The following SEPTIN14 variants were observed in gnomAD, a reference collection of about 807,000 sequenced individuals.
The protein encoded by SEPTIN14 is septin 14.
Under a neutral mutation model 53.6 loss-of-function variants are expected in SEPTIN14, and 40 were observed. The ratio of observed to expected loss-of-function variants is 0.75; its 90% CI spans 0.58 to 0.97. SEPTIN14 has a LOEUF of 0.97. Among genes scored for constraint, SEPTIN14 ranks in the 50% least tolerant of loss-of-function variants. The probability of loss-of-function intolerance (pLI) is 0.00; values close to 1 mark genes in which losing one functional copy is unlikely to be tolerated. For synonymous variants in SEPTIN14, 138 were observed against 166.8 expected (o/e 0.83, Z 1.33); for missense variants, 471 against 508.2 (o/e 0.93, Z 0.70).
Position 55,807,156 on chromosome 7 carries a change from C to T in SEPTIN14, c.920G>A (p.Cys307Tyr), listed in dbSNP as rs758591939. ...TTTCTGCAGTTTTTGGTACCTATAACATTCATAGTGCTGAGTGTGGGTTTT... is the reference window on the plus strand; with the variant it reads ...TTTCTGCAGTTTTTGGTACCTATAATATTCATAGTGCTGAGTGTGGGTTTT... The part of the protein sequence containing the change: ...KEKTHTQHYE[C>Y]YRYQKLQKMG... Residue 307 changes from cysteine (C) to tyrosine (Y), a missense_variant, in exon 8 of 10, where the codon TGT (cysteine) becomes TAT (tyrosine). Physicochemically the swap from Cys to Tyr is radical, Grantham distance 194. Transcript: ENST00000388975. 2 of 1,610,446 alleles carry T rather than the reference C, an allele frequency of 1.2e-6. No individual in the cohort carries two copies. Among genetic ancestry groups the T allele is most frequent in the Admixed American group, 1.7e-5 (1 of 59,192 alleles).
rs887366698 is a variant in SEPTIN14 at position 55,825,692 on chromosome 7, C to T, written c.721-6469G>A. Among the ~76,000 whole-genome samples, 11 of 152,214 alleles carry T rather than the reference C, an allele frequency of 7.2e-5. No individual in the cohort carries two copies. The East Asian group carries it at 1.7e-3, about 24-fold the overall frequency. ...ATTTAAAAAGAAGGATGGGGCCGGGCGTGGTGACTCACACCTGTAATCCCA... is the reference window on the plus strand; with the variant it reads ...ATTTAAAAAGAAGGATGGGGCCGGGTGTGGTGACTCACACCTGTAATCCCA... On this transcript the variant is annotated intron_variant, in intron 6 of 9. Coordinates refer to ENST00000388975, the MANE Select transcript of SEPTIN14 (RefSeq NM_207366.3).
intron 6 of SEPTIN14, among the ~76,000 whole-genome samples, chr7:55,821,768 C>T (rs1024378659): frequency 6.6e-6 from 1 of 152,158 alleles, no homozygotes; most frequent in African/African-American, 2.4e-5. Context: ...GCTTTCAATT[C>T]TTTCAGAGAA....
intron 5 of SEPTIN14, among the ~76,000 whole-genome samples, chr7:55,835,347 C>T (rs1293248780): frequency 3.3e-5 from 5 of 151,856 alleles, no homozygotes; most frequent in African/African-American, 7.2e-5. Context: ...GGACTACAGG[C>T]GCCCACCACC....
intron 3 of SEPTIN14, 79 bp downstream of exon 3, chr7:55,846,438 T>G: frequency 9.8e-7 from 1 of 1,021,308 alleles, no homozygotes; most frequent in Non-Finnish European, 1.4e-6. Flanking sequence ...ATAGCATCAA[T>G]GTTACACTGC....
At chr7:55,799,658 T>C (rs1382134378) in intron 9 of SEPTIN14, among the ~76,000 whole-genome samples, 2 of 151,886 alleles carry the variant, frequency 1.3e-5, no homozygotes, top group African/African-American at 4.8e-5. Flanking sequence ...AATATCACTA[T>C]ATAATAATAA....
chr7:55,827,498 T>C (rs1789010968), intron 6 of SEPTIN14, among the ~76,000 whole-genome samples: 1 of 152,202 alleles, frequency 6.6e-6, no homozygotes, highest in South Asian at 2.1e-4. Flanking sequence ...TGTTCCTACC[T>C]ACACAGGAGG....
At position 55,805,256 on chromosome 7, in the gene SEPTIN14, A is replaced by G; in HGVS notation, c.1119+2T>C. 6.2e-7 allele frequency: 1 copy of G among 1,611,042 alleles called. No individual in the cohort carries two copies. On this transcript the variant is annotated splice_donor_variant, in intron 9 of 9. Coordinates refer to ENST00000388975, the MANE Select transcript of SEPTIN14 (RefSeq NM_207366.3). LOFTEE classifies it high-confidence loss of function. Reference sequence around the variant, plus strand: ...AAATTATATCAAACTGTCAGTACTAACCTCTTTTTCAGCTTCTTTAAATGT... The same window carrying G: ...AAATTATATCAAACTGTCAGTACTAGCCTCTTTTTCAGCTTCTTTAAATGT...
intron 6 of SEPTIN14, among the ~76,000 whole-genome samples, chr7:55,821,501 A>G (rs192552992): frequency 6.6e-6 from 1 of 152,364 alleles, no homozygotes; most frequent in Non-Finnish European, 1.5e-5. Flanking sequence ...TAGCCAAAAA[A>G]ATATTGAAAA....
chr7:55,797,569 G>T (rs1028732154), intron 9 of SEPTIN14, among the ~76,000 whole-genome samples: 25 of 152,202 alleles, frequency 1.6e-4, no homozygotes, highest in African/African-American at 6.0e-4. Flanking sequence ...CTAACCTTCA[G>T]AAAGAAAGAA....
intron 5 of SEPTIN14, among the ~76,000 whole-genome samples, chr7:55,841,818 G>GCACT (rs1230825775): frequency 6.9e-6 from 1 of 145,606 alleles, no homozygotes; most frequent in Non-Finnish European, 1.5e-5. Flanking sequence ...TCACGCCATT[G>GCACT]CACTCTGGCC....
chr7:55,804,529 G>C (rs1488174761), intron 9 of SEPTIN14, among the ~76,000 whole-genome samples: 1 of 152,044 alleles, frequency 6.6e-6, no homozygotes, highest in Non-Finnish European at 1.5e-5. Context: ...AAAGTGCTGG[G>C]ATTATAGGTG....
intron 7 of SEPTIN14, among the ~76,000 whole-genome samples, chr7:55,812,531 G>A (rs922385549): frequency 1.3e-5 from 2 of 152,182 alleles, no homozygotes; most frequent in Admixed American, 1.3e-4. Context: ...ACTGTATGGT[G>A]ACTACAGTTA....
At position 55,819,151 on chromosome 7, in the gene SEPTIN14, G is replaced by C; in HGVS notation, c.793C>G (p.His265Asp). 1 of 1,584,610 alleles carries C rather than the reference G, an allele frequency of 6.3e-7. No individual in the cohort carries two copies. Among genetic ancestry groups the C allele is most frequent in the South Asian group, 1.2e-5 (1 of 86,478 alleles). Residue 265 changes from histidine to aspartate, a missense_variant, in exon 7 of 10, where the codon CAC becomes GAC. Transcript: ENST00000388975. ...CCTTGCAAAACTCCCCAAGGGTAGT[G>C]ACGGCCTCTGACCATCCTTTTTCCA... ...KVGKRMVRGR[H>D]YPWGVLQVEN...
At chr7:55,799,123 G>C (rs1788482054) in intron 9 of SEPTIN14, among the ~76,000 whole-genome samples, 1 of 152,064 alleles carries the variant, frequency 6.6e-6, no homozygotes, top group East Asian at 1.9e-4. Flanking sequence ...CAAAGTAGCA[G>C]AATGAATAAA....
At chr7:55,815,655 T>C (rs1236352694) in intron 7 of SEPTIN14, among the ~76,000 whole-genome samples, 1 of 152,074 alleles carries the variant, frequency 6.6e-6, no homozygotes, top group East Asian at 1.9e-4. Context: ...AGATATAATC[T>C]CACCCCAGTT....
Position 55,841,536 on chromosome 7 carries a change from A to G in SEPTIN14, c.558+1406T>C, listed in dbSNP as rs887669758. ...GGAGTTCAAGACCAGCCTGGCCAAC[A>G]TGGCAAGACTCCGTCTCTATTAAAA... On this transcript the variant is annotated intron_variant, in intron 5 of 9. Coordinates refer to ENST00000388975, the MANE Select transcript of SEPTIN14 (RefSeq NM_207366.3). 5.9e-5 allele frequency among the ~76,000 whole-genome samples: 9 copies of G among 152,128 alleles called. No homozygotes were observed. The South Asian group carries it at 1.9e-3, about 32-fold the overall frequency.
intron 6 of SEPTIN14, among the ~76,000 whole-genome samples, chr7:55,830,347 A>ATTTTTTTTTTTTTTT (rs1283196897): frequency 2.0e-5 from 1 of 50,408 alleles, no homozygotes; most frequent in African/African-American, 1.6e-4. Context: ...ATATATATAT[A>ATTTTTTTTTTTTTTT]TATTTTTTTT....
chr7:55,838,185 CT>C (rs1789243116), intron 5 of SEPTIN14, among the ~76,000 whole-genome samples: 1 of 152,064 alleles, frequency 6.6e-6, no homozygotes, highest in Non-Finnish European at 1.5e-5. Flanking sequence ...CTTAAGCAGC[CT>C]ATTGAAAGGA....
chr7:55,841,574 G>A (rs1387339997), intron 5 of SEPTIN14, among the ~76,000 whole-genome samples: 1 of 152,020 alleles, frequency 6.6e-6, no homozygotes, highest in Non-Finnish European at 1.5e-5. Context: ...ACAAAAATTA[G>A]GCCGAGCACA....
Sources: gnomAD v4.1 joint callset for allele counts (sites outside exome capture counted in the v4.1 genomes callset) on GRCh38, gnomAD v4.1.1 for gene constraint, MANE v1.5 for transcripts, NCBI Gene and HGNC (gene_info 2026-07-23, HGNC 2026-07-21) for gene names.